The following MECOM variants were observed in gnomAD, a reference collection of about 807,000 sequenced individuals.
MECOM encodes histone-lysine N-methyltransferase MECOM.
In MECOM, 13 loss-of-function variants were observed where a neutral mutation model predicts 116.3. The observed-to-expected ratio is 0.11, with a 90% CI of 0.07 to 0.18. MECOM has a LOEUF of 0.18. MECOM is among the 10% of genes least tolerant of loss of function. The pLI, the probability that MECOM is intolerant of heterozygous loss-of-function variation, is 1.00. For missense variants in MECOM, 1,299 were observed against 1,509.0 expected (o/e 0.86, Z 2.31); for synonymous variants, 528 against 535.2 (o/e 0.99, Z 0.19).
intron 2 of MECOM, among the ~76,000 whole-genome samples, chr3:169,302,623 G>A (rs1313781013): frequency 6.6e-6 from 1 of 152,092 alleles, no homozygotes; most frequent in Non-Finnish European, 1.5e-5. Context: ...CCAGCACTTT[G>A]GGAGGCCGAG....
intron 1 of MECOM, among the ~76,000 whole-genome samples, chr3:169,397,803 G>T (rs1184866919): frequency 6.6e-6 from 1 of 152,166 alleles, no homozygotes; most frequent in Non-Finnish European, 1.5e-5. Context: ...TCCTCTGTGG[G>T]TAAAAAGGTT....
At chr3:169,479,585 C>T (rs1483521826) in intron 1 of MECOM, among the ~76,000 whole-genome samples, 1 of 148,656 alleles carries the variant, frequency 6.7e-6, no homozygotes, top group Non-Finnish European at 1.5e-5. Context: ...CAGATATCAG[C>T]CAATGTGTCT....
intron 2 of MECOM, among the ~76,000 whole-genome samples, chr3:169,326,740 GAAATT>G (rs1721889834): frequency 1.3e-5 from 2 of 152,184 alleles, no homozygotes; most frequent in Non-Finnish European, 2.9e-5. Flanking sequence ...GTACTTGTGT[GAAATT>G]AAATATTAAT....
chr3:169,652,525 T>C (rs971223256), intron 1 of MECOM, among the ~76,000 whole-genome samples: 11 of 152,068 alleles, frequency 7.2e-5, no homozygotes, highest in African/African-American at 2.4e-4. Context: ...CATTCAGGAC[T>C]TGAGGATAGT....
At chr3:169,337,179 T>G (rs1336002022) in intron 2 of MECOM, among the ~76,000 whole-genome samples, 1 of 152,168 alleles carries the variant, frequency 6.6e-6, no homozygotes, top group Non-Finnish European at 1.5e-5. Context: ...ATTATAGACC[T>G]AAGGGTTGGG....
chr3:169,363,057 C>G (rs569455387), intron 2 of MECOM, among the ~76,000 whole-genome samples: 1 of 152,008 alleles, frequency 6.6e-6, no homozygotes, highest in Admixed American at 6.6e-5. Context: ...ACCCTGTATG[C>G]CACCTACTGT....
At chr3:169,128,211 T>C (rs1231469700) in intron 4 of MECOM, 151 bp from the exon 5 acceptor site, 15 of 697,880 alleles carry the variant, frequency 2.1e-5, no homozygotes, top group Non-Finnish European at 3.7e-5. Flanking sequence ...ATATCATATG[T>C]AAAGAACCAA....
chr3:169,560,654 T>C (rs1762535184), intron 1 of MECOM, among the ~76,000 whole-genome samples: 1 of 152,088 alleles, frequency 6.6e-6, no homozygotes, highest in Middle Eastern at 3.2e-3. Context: ...CTCAATGATA[T>C]AGCATACTTC....
At chr3:169,202,275 C>T (rs1272195282) in intron 2 of MECOM, among the ~76,000 whole-genome samples, 1 of 152,002 alleles carries the variant, frequency 6.6e-6, no homozygotes, top group Non-Finnish European at 1.5e-5. Flanking sequence ...GAGTATTTTT[C>T]ATCGTATAAC....
chr3:169,554,323 G>A (rs181820626), intron 1 of MECOM, among the ~76,000 whole-genome samples: 47 of 152,308 alleles, frequency 3.1e-4, no homozygotes, highest in Admixed American at 1.9e-3. Flanking sequence ...GCTGAGATTT[G>A]CTTATTACAG....
At chr3:169,179,991 A>G (rs531599681) in intron 2 of MECOM, among the ~76,000 whole-genome samples, 1 of 152,336 alleles carries the variant, frequency 6.6e-6, no homozygotes, top group South Asian at 2.1e-4. Flanking sequence ...TTGGTAATGT[A>G]GTCAACCTTA....
chr3:169,309,588 A>G (rs1240048630), intron 2 of MECOM, among the ~76,000 whole-genome samples: 1 of 152,214 alleles, frequency 6.6e-6, no homozygotes, highest in Non-Finnish European at 1.5e-5. Context: ...TTCATTACAA[A>G]TACTCTCATT....
At chr3:169,319,795 T>A (rs1297129228) in intron 2 of MECOM, among the ~76,000 whole-genome samples, 1 of 152,234 alleles carries the variant, frequency 6.6e-6, no homozygotes, top group Non-Finnish European at 1.5e-5. Context: ...AGGGTTGTTG[T>A]GTGAACTAAA....
chr3:169,574,108 A>T (rs1764229926), intron 1 of MECOM, among the ~76,000 whole-genome samples: 1 of 152,206 alleles, frequency 6.6e-6, no homozygotes, highest in African/African-American at 2.4e-5. Context: ...CCTCAGAGAC[A>T]GCAAATGTTG....
chr3:169,233,493 G>C (rs1342454757), intron 2 of MECOM, among the ~76,000 whole-genome samples: 1 of 152,066 alleles, frequency 6.6e-6, no homozygotes, highest in Non-Finnish European at 1.5e-5. Flanking sequence ...TAAAAGGAAA[G>C]GTAGCAAAAT....
At chr3:169,167,497 T>C (rs1743772902) in intron 2 of MECOM, among the ~76,000 whole-genome samples, 1 of 152,234 alleles carries the variant, frequency 6.6e-6, no homozygotes, top group Non-Finnish European at 1.5e-5. Flanking sequence ...ATGGTATTTA[T>C]TATCTACCAT....
chr3:169,634,733 A>G (rs1053179765), intron 1 of MECOM, among the ~76,000 whole-genome samples: 4 of 152,008 alleles, frequency 2.6e-5, no homozygotes, highest in Non-Finnish European at 5.9e-5. Flanking sequence ...GGTAATGTTC[A>G]TTTGGGAGCA....
chr3:169,209,148 A>G (rs1393876520), intron 2 of MECOM, among the ~76,000 whole-genome samples: 2 of 152,194 alleles, frequency 1.3e-5, no homozygotes, highest in Non-Finnish European at 2.9e-5. Context: ...CCATGTGCAG[A>G]AAACTGAAAC....
chr3:169,421,194 G>A (rs1016431292), intron 1 of MECOM, among the ~76,000 whole-genome samples: 1 of 152,084 alleles, frequency 6.6e-6, no homozygotes, highest in East Asian at 1.9e-4. Flanking sequence ...TTCTTTGAAG[G>A]CTAAACGATT....
Sources: allele counts gnomAD v4.1 joint callset (sites outside exome capture counted in the v4.1 genomes callset), GRCh38; gene constraint gnomAD v4.1.1; transcripts MANE v1.5; gene names NCBI Gene and HGNC (gene_info 2026-07-23, HGNC 2026-07-21).